CNTNAP2: variants seen among roughly 807,000 people sequenced by gnomAD.
CNTNAP2 encodes the protein contactin associated protein 2, also known as contactin-associated protein-like 2.
In CNTNAP2, 98 loss-of-function variants were observed where a neutral mutation model predicts 155.2. That is an observed-to-expected ratio of 0.63 (90% confidence interval 0.54 to 0.75). The LOEUF is 0.75. CNTNAP2 is among the 30% of genes least tolerant of loss of function. CNTNAP2 has a pLI of 0.00. For synonymous variants in CNTNAP2, 651 were observed against 631.2 expected (o/e 1.03, Z -0.47); for missense variants, 1,727 against 1,688.1 (o/e 1.02, Z -0.40).
intron 9 of CNTNAP2, among the ~76,000 whole-genome samples, chr7:147,345,728 C>A (rs1795842958): frequency 6.6e-6 from 1 of 152,060 alleles, no homozygotes; most frequent in South Asian, 2.1e-4. Flanking sequence ...CTACTGTTTT[C>A]TTTTTTTCCT....
chr7:147,886,553 G>A (rs1799604069), intron 13 of CNTNAP2, among the ~76,000 whole-genome samples: 1 of 137,926 alleles, frequency 7.3e-6, no homozygotes, highest in Admixed American at 7.7e-5. Flanking sequence ...CCCATCTCTT[G>A]TACATCCTCA....
chr7:146,241,450 C>T (rs1799561222), intron 1 of CNTNAP2, among the ~76,000 whole-genome samples: 1 of 152,160 alleles, frequency 6.6e-6, no homozygotes, highest in African/African-American at 2.4e-5. Context: ...AGAACACATA[C>T]ATACAAGCAT....
intron 9 of CNTNAP2, among the ~76,000 whole-genome samples, chr7:147,374,321 T>C (rs1215352949): frequency 1.3e-5 from 2 of 152,246 alleles, no homozygotes; most frequent in East Asian, 1.9e-4. Flanking sequence ...ATTTGTAACA[T>C]GTTTTTTTCA....
chr7:146,392,207 A>C (rs1399177479), intron 1 of CNTNAP2, among the ~76,000 whole-genome samples: 1 of 152,144 alleles, frequency 6.6e-6, no homozygotes, highest in Non-Finnish European at 1.5e-5. Context: ...ATTAATAATA[A>C]TTATAAATAT....
intron 15 of CNTNAP2, among the ~76,000 whole-genome samples, chr7:148,058,495 A>C (rs1803065526): frequency 1.3e-5 from 2 of 152,172 alleles, no homozygotes; most frequent in South Asian, 4.1e-4. Context: ...TCAGAGGCAG[A>C]GTATAATTCA....
At chr7:147,944,779 C>T (rs1227625592) in intron 14 of CNTNAP2, among the ~76,000 whole-genome samples, 1 of 152,166 alleles carries the variant, frequency 6.6e-6, no homozygotes, top group Non-Finnish European at 1.5e-5. Context: ...AAGTGAAATA[C>T]TTTGACAATA....
intron 1 of CNTNAP2, among the ~76,000 whole-genome samples, chr7:146,509,237 A>G (rs1406298943): frequency 6.6e-6 from 1 of 152,156 alleles, no homozygotes; most frequent in Non-Finnish European, 1.5e-5. Context: ...ATAGTCCCAC[A>G]CCATTTGCAT....
chr7:146,464,965 G>T (rs1381604039), intron 1 of CNTNAP2, among the ~76,000 whole-genome samples: 1 of 152,028 alleles, frequency 6.6e-6, no homozygotes, highest in Admixed American at 6.6e-5. Context: ...CTTTTCTGCA[G>T]TCTATGATCA....
At chr7:146,792,355 G>A (rs1388820260) in intron 2 of CNTNAP2, among the ~76,000 whole-genome samples, 1 of 151,966 alleles carries the variant, frequency 6.6e-6, no homozygotes, top group Non-Finnish European at 1.5e-5. Flanking sequence ...TCTACATTTG[G>A]CTTTGTCTTG....
In CNTNAP2 at chr7:146,226,746, G is replaced by A. The variant is rs149005017; in HGVS notation, c.97+109773G>A. ...ATGAATGGTAGGTTGAGAGATGAGG[G>A]TAAATTCAATTGAGAAAGGGATGCA... On this transcript the variant is annotated intron_variant, in intron 1 of 23. Transcript: ENST00000361727. Among the ~76,000 whole-genome samples the A allele has an allele frequency of 2.1e-3, 317 of 152,092 alleles. 3 individuals are homozygous for A. Among genetic ancestry groups the A allele is most frequent in the Non-Finnish European group, 3.7e-3 (251 of 67,994 alleles).
intron 16 of CNTNAP2, among the ~76,000 whole-genome samples, chr7:148,128,955 C>T (rs535917038): frequency 4.6e-5 from 7 of 152,224 alleles, no homozygotes; most frequent in Admixed American, 3.9e-4. Flanking sequence ...TCCTCCCCAT[C>T]GTGGAGGGTA....
At chr7:147,962,806 A>G (rs1172497270) in intron 14 of CNTNAP2, among the ~76,000 whole-genome samples, 1 of 152,210 alleles carries the variant, frequency 6.6e-6, no homozygotes, top group African/African-American at 2.4e-5. Flanking sequence ...GAAATTAACA[A>G]TAAGTTAGGG....
intron 15 of CNTNAP2, among the ~76,000 whole-genome samples, chr7:148,117,559 A>G (rs151261286): frequency 2.3e-4 from 35 of 152,274 alleles, no homozygotes; most frequent in Non-Finnish European, 3.8e-4. Context: ...GCAAGAGCAA[A>G]CTACCAAAAA....
rs1159125187 is a variant in CNTNAP2, at chr7:146,821,657, C to T, written c.209-18054C>T. On this transcript the variant is annotated intron_variant, in intron 2 of 23. Coordinates refer to ENST00000361727, the MANE Select transcript of CNTNAP2 (RefSeq NM_014141.6). Reference sequence around the variant, plus strand: ...ACAAACAACCCCATCAAAAAGTGGGCGAAGGATGTGAACAGACACTTCTCA... The same window carrying T: ...ACAAACAACCCCATCAAAAAGTGGGTGAAGGATGTGAACAGACACTTCTCA... Among the ~76,000 whole-genome samples the T allele has an allele frequency of 2.4e-4, 36 of 152,086 alleles. No individual in the cohort carries two copies. The South Asian group carries it at 2.7e-3, about 11-fold the overall frequency.
intron 3 of CNTNAP2, among the ~76,000 whole-genome samples, chr7:147,038,737 A>T (rs1236198181): frequency 6.6e-6 from 1 of 152,190 alleles, no homozygotes; most frequent in East Asian, 1.9e-4. Flanking sequence ...ATATTATTTC[A>T]TCTATCATTT....
At chr7:147,730,159 G>A (rs553806317) in intron 13 of CNTNAP2, among the ~76,000 whole-genome samples, 182 of 152,182 alleles carry the variant, frequency 1.2e-3, no homozygotes, top group Non-Finnish European at 2.3e-3. Context: ...TTGAGGTAAA[G>A]GATTTCCAAA....
At chr7:146,273,128 T>C (rs79601765) in intron 1 of CNTNAP2, among the ~76,000 whole-genome samples, 2,594 of 146,498 alleles carry the variant, frequency 0.018, 39 homozygotes, top group Non-Finnish European at 0.026. Context: ...AAAGGAGACA[T>C]GGGGAGATAT....
Position 147,414,284 on chromosome 7 carries a change from C to T in CNTNAP2, c.1670+18504C>T, listed in dbSNP as rs563643644. 2.6e-5 allele frequency among the ~76,000 whole-genome samples: 4 copies of T among 151,972 alleles called. No individual in the cohort carries two copies. In the East Asian group the frequency reaches 5.8e-4, roughly 22 times the overall value. ...GCTAAAAATATAAAGATTAGCTGGGCTCTGTGGCAGGTGACTGTGATCCCA... is the reference window on the plus strand; with the variant it reads ...GCTAAAAATATAAAGATTAGCTGGGTTCTGTGGCAGGTGACTGTGATCCCA... On this transcript the variant is annotated intron_variant, in intron 10 of 23. Transcript: ENST00000361727.
At chr7:146,492,611 G>T (rs1309511987) in intron 1 of CNTNAP2, among the ~76,000 whole-genome samples, 1 of 152,096 alleles carries the variant, frequency 6.6e-6, no homozygotes, top group African/African-American at 2.4e-5. Context: ...ACAAAATTCA[G>T]GCTTCATCTC....
Sources: allele counts gnomAD v4.1 joint callset (sites outside exome capture counted in the v4.1 genomes callset), GRCh38; gene constraint gnomAD v4.1.1; transcripts MANE v1.5; gene names NCBI Gene and HGNC (gene_info 2026-07-23, HGNC 2026-07-21).